CLIC5: variants seen among roughly 807,000 people sequenced by gnomAD.
The protein encoded by CLIC5 is chloride intracellular channel protein 5.
A neutral mutation model predicts 24.7 loss-of-function variants in CLIC5; 20 were observed. The ratio of observed to expected loss-of-function variants is 0.81; its 90% CI spans 0.57 to 1.18. CLIC5 has a LOEUF of 1.18. Ranked by LOEUF, CLIC5 falls within the 50% of genes most tolerant of loss-of-function variation. The pLI is 0.00. For missense variants in CLIC5, 341 were observed against 326.1 expected (o/e 1.05, Z -0.35); for synonymous variants, 159 against 135.6 (o/e 1.17, Z -1.20).
intron 1 of CLIC5, among the ~76,000 whole-genome samples, chr6:46,069,494 T>G (rs1397022702): frequency 6.6e-6 from 1 of 151,604 alleles, no homozygotes; most frequent in Non-Finnish European, 1.5e-5. Flanking sequence ...ACATACACCC[T>G]CCCAAGACTG....
At chr6:45,938,495 C>A (rs1010614429) in intron 4 of CLIC5, among the ~76,000 whole-genome samples, 3 of 152,172 alleles carry the variant, frequency 2.0e-5, no homozygotes, top group Non-Finnish European at 2.9e-5. Flanking sequence ...TGGAATAGCA[C>A]ATCTGGGGAC....
chr6:46,063,913 A>G (rs1762363473), intron 1 of CLIC5, among the ~76,000 whole-genome samples: 1 of 152,234 alleles, frequency 6.6e-6, no homozygotes, highest in East Asian at 1.9e-4. Flanking sequence ...TCCCAGAATG[A>G]GGCCTGACAC....
intron 1 of CLIC5, among the ~76,000 whole-genome samples, chr6:46,060,080 A>G (rs1205679927): frequency 6.6e-6 from 1 of 152,200 alleles, no homozygotes; most frequent in East Asian, 1.9e-4. Context: ...AAATTAAAAA[A>G]CAAGAGGAGA....
At chr6:46,093,618 C>T in the CLIC5 span, among the ~76,000 whole-genome samples, 1 of 152,178 alleles carries the variant, frequency 6.6e-6, no homozygotes, top group Non-Finnish European at 1.5e-5. Flanking sequence ...TAAAGACTGA[C>T]AACATCAGAT....
At chr6:46,073,157 G>C (rs528362635) in intron 1 of CLIC5, among the ~76,000 whole-genome samples, 1 of 152,134 alleles carries the variant, frequency 6.6e-6, no homozygotes, top group Non-Finnish European at 1.5e-5. Flanking sequence ...TGGGCACCTA[G>C]AAAATAATTT....
At chr6:46,010,665 C>T (rs138956458) in intron 1 of CLIC5, among the ~76,000 whole-genome samples, 26 of 152,306 alleles carry the variant, frequency 1.7e-4, no homozygotes, top group Non-Finnish European at 3.8e-4. Context: ...CAGTGGACGT[C>T]AGCTTCTGCA....
intron 5 of CLIC5, among the ~76,000 whole-genome samples, chr6:45,912,916 C>T (rs1252422136): frequency 6.6e-6 from 1 of 152,220 alleles, no homozygotes; most frequent in African/African-American, 2.4e-5. Flanking sequence ...CCCTCTCAGT[C>T]TTCAGCTCTA....
At chr6:45,995,799 G>A (rs991452456) in intron 1 of CLIC5, among the ~76,000 whole-genome samples, 1 of 152,088 alleles carries the variant, frequency 6.6e-6, no homozygotes, top group Non-Finnish European at 1.5e-5. Context: ...AAAGGAATGA[G>A]ACCATGTCCT....
intron 5 of CLIC5, among the ~76,000 whole-genome samples, chr6:45,913,377 G>A (rs760345033): frequency 1.8e-4 from 27 of 152,282 alleles, no homozygotes; most frequent in Non-Finnish European, 2.9e-4. Context: ...TGAGGTGAAG[G>A]CAAGCAAAGC....
chr6:45,991,684 C>T (rs576501406), intron 1 of CLIC5, among the ~76,000 whole-genome samples: 2 of 152,124 alleles, frequency 1.3e-5, no homozygotes, highest in African/African-American at 2.4e-5. Flanking sequence ...GGTTTCCTCA[C>T]GTCCCATCTA....
intron 1 of CLIC5, among the ~76,000 whole-genome samples, chr6:45,977,805 A>C (rs1207897514): frequency 6.6e-6 from 1 of 152,224 alleles, no homozygotes; most frequent in Admixed American, 6.5e-5. Context: ...TCCTCTTCAG[A>C]CTACTTCTAT....
intron 6 of CLIC5, among the ~76,000 whole-genome samples, chr6:45,881,847 C>G (rs1174593688): frequency 2.0e-5 from 3 of 152,148 alleles, no homozygotes; most frequent in African/African-American, 7.2e-5. Context: ...CAAAGGAAAA[C>G]CAACCTGACC....
At chr6:46,011,279 G>A (rs72856996) in intron 1 of CLIC5, among the ~76,000 whole-genome samples, 44 of 152,342 alleles carry the variant, frequency 2.9e-4, no homozygotes, top group Admixed American at 3.3e-4. Context: ...ACTTCTGACC[G>A]TGATGCCCTG....
At chr6:45,982,537 C>T (rs1430806420) in intron 1 of CLIC5, among the ~76,000 whole-genome samples, 2 of 152,074 alleles carry the variant, frequency 1.3e-5, no homozygotes, top group Non-Finnish European at 2.9e-5. Context: ...TGTTCCTAGG[C>T]TATAAACCTG....
chr6:46,129,748 T>TC, the CLIC5 span: 1 of 151,754 alleles, frequency 6.6e-6, no homozygotes, highest in Admixed American at 6.6e-5. Context: ...CGCTGGTTTT[T>TC]AGGTTCCATG....
the CLIC5 span, among the ~76,000 whole-genome samples, chr6:46,119,835 G>C: frequency 6.6e-6 from 1 of 152,180 alleles, no homozygotes; most frequent in East Asian, 1.9e-4. Flanking sequence ...CTCACTCATT[G>C]CTAGCACAGC....
At chr6:46,116,272 C>T in the CLIC5 span, among the ~76,000 whole-genome samples, 1 of 152,056 alleles carries the variant, frequency 6.6e-6, no homozygotes, top group South Asian at 2.1e-4. Context: ...TTAGTTTGTG[C>T]CTTGATCGGT....
At chr6:46,076,726 C>T (rs1284077719) in intron 1 of CLIC5, among the ~76,000 whole-genome samples, 1 of 152,108 alleles carries the variant, frequency 6.6e-6, no homozygotes, top group Non-Finnish European at 1.5e-5. Context: ...TTTGTTAGAG[C>T]AGAAATAAGA....
intron 4 of CLIC5, among the ~76,000 whole-genome samples, chr6:45,938,382 C>T (rs763059984): frequency 4.0e-5 from 6 of 151,870 alleles, no homozygotes; most frequent in East Asian, 1.9e-4. Flanking sequence ...GACCACAACT[C>T]GGGGGTATTG....
Sources: allele counts gnomAD v4.1 joint callset (sites outside exome capture counted in the v4.1 genomes callset), GRCh38; gene constraint gnomAD v4.1.1; transcripts MANE v1.5; gene names NCBI Gene and HGNC (gene_info 2026-07-23, HGNC 2026-07-21).